The following KIRREL3 variants were observed in gnomAD, a reference collection of about 807,000 sequenced individuals.
KIRREL3 encodes the protein kin of IRRE-like protein 3.
In KIRREL3, 36 loss-of-function variants were observed where a neutral mutation model predicts 89.7. The observed-to-expected ratio is 0.40, with a 90% CI of 0.31 to 0.53. The LOEUF (loss-of-function observed/expected upper bound fraction) is 0.53. Among genes scored for constraint, KIRREL3 ranks in the 20% least tolerant of loss-of-function variants. The pLI is 0.49. For missense variants in KIRREL3, 864 were observed against 1,056.6 expected (o/e 0.82, Z 2.53); for synonymous variants, 445 against 441.4 (o/e 1.01, Z -0.10).
In KIRREL3 at chr11:126,830,225, T is replaced by C. The variant is rs572512685; in HGVS notation, c.55+170230A>G. Among the ~76,000 whole-genome samples the C allele has an allele frequency of 7.9e-5, 12 of 152,298 alleles. No individual in the cohort carries two copies. In the South Asian group the frequency reaches 2.5e-3, roughly 32 times the overall value. ...TTTATCATAGGTACATTTTACAAGA[T>C]GAATTCTGTCACCAGTGTTGGCAGC... On this transcript the variant is annotated intron_variant, in intron 1 of 16. Transcript: ENST00000525144. The surrounding 1 kb of genome is among the most constrained non-coding windows in gnomAD (Gnocchi z 4.9).
Position 126,511,445 on chromosome 11 carries a change from A to G in KIRREL3, c.433+9870T>C, listed in dbSNP as rs568995227. ...CCTACAACACAGGTCCCCTCACAGC[A>G]GCAAGATAACAAAGCTGTGGCCATT... On this transcript the variant is annotated intron_variant, in intron 4 of 16. Transcript: ENST00000525144. Among the ~76,000 whole-genome samples the G allele has an allele frequency of 9.3e-4, 142 of 152,310 alleles. 2 individuals are homozygous for G. Among genetic ancestry groups the G allele is most frequent in the African/African-American group, 2.6e-3 (110 of 41,580 alleles).
rs1942840224 is a variant in KIRREL3, at chr11:126,605,288, C to T, written c.56-42376G>A. On this transcript the variant is annotated intron_variant, in intron 1 of 16. Coordinates refer to ENST00000525144, the MANE Select transcript of KIRREL3 (RefSeq NM_032531.4). This position sits in a 1 kb window ranked among gnomAD's most constrained non-coding sequence, Gnocchi z 5.7. ...CAGGATTCCAGGCAGGTATAATGTGCTGCACTTAATGTAGAGGATCAGGGT... is the reference window on the plus strand; with the variant it reads ...CAGGATTCCAGGCAGGTATAATGTGTTGCACTTAATGTAGAGGATCAGGGT... Among the ~76,000 whole-genome samples the T allele has an allele frequency of 1.3e-5, 2 of 152,170 alleles. No individual in the cohort carries two copies. The highest frequency in any genetic ancestry group is 2.4e-5 in the African/African-American group (1 of 41,436).
chr11:126,493,923 T>C (rs1957592887), intron 4 of KIRREL3, among the ~76,000 whole-genome samples: 1 of 152,142 alleles, frequency 6.6e-6, no homozygotes, highest in Non-Finnish European at 1.5e-5. Flanking sequence ...GCACCACCTC[T>C]CTGACTCAAG....
intron 1 of KIRREL3, among the ~76,000 whole-genome samples, chr11:126,727,647 GTCC>G (rs1271808451): frequency 1.3e-4 from 20 of 152,206 alleles, no homozygotes; most frequent in Admixed American, 1.3e-3. Flanking sequence ...CATTTTTGTG[GTCC>G]TCCTTCTTCT....
rs1591508907 is a variant in KIRREL3 at position 126,423,735 on chromosome 11, ACTT to A, written c.*842_*844del. 2 of 151,978 alleles carry A rather than the reference ACTT, an allele frequency of 1.3e-5. No homozygotes were observed. The highest frequency in any genetic ancestry group is 1.3e-4 in the Admixed American group (2 of 15,234). The allele number at this position is 151,978 out of a possible 1,614,324, so 9.4% of individuals were successfully genotyped here. ...GAACCCTGACCAGAGAAGCTCCCGC[ACTT>A]CTTATATGAACTCCGATTGTGCTGA... On this transcript the variant is annotated 3_prime_UTR_variant, in exon 17 of 17. Coordinates refer to ENST00000525144, the MANE Select transcript of KIRREL3 (RefSeq NM_032531.4).
chr11:126,746,634 C>A (rs180957229), intron 1 of KIRREL3, among the ~76,000 whole-genome samples: 2 of 152,152 alleles, frequency 1.3e-5, no homozygotes, highest in African/African-American at 4.8e-5. Flanking sequence ...CTGGTCCCCC[C>A]TCTCCCTCCC....
intron 1 of KIRREL3, among the ~76,000 whole-genome samples, chr11:126,730,383 C>T (rs1948567391): frequency 6.6e-6 from 1 of 152,242 alleles, no homozygotes; most frequent in African/African-American, 2.4e-5. Flanking sequence ...ACCCTCTCCT[C>T]ACCCTATACG....
At position 126,710,034 on chromosome 11, in the gene KIRREL3, G is replaced by A. The variant is rs1947696724; in HGVS notation, c.56-147122C>T. Among the ~76,000 whole-genome samples the A allele has an allele frequency of 6.6e-6, 1 of 152,210 alleles. No homozygotes were observed. Among genetic ancestry groups the A allele is most frequent in the Middle Eastern group, 3.2e-3 (1 of 316 alleles). On this transcript the variant is annotated intron_variant, in intron 1 of 16. Transcript: ENST00000525144. This position sits in a 1 kb window ranked among gnomAD's most constrained non-coding sequence, Gnocchi z 4.2. ...TGTCACAGCCATTTTAGAGATATAA[G>A]ATCCAAAGTTCAGGGTGGAAAGAAA...
At chr11:126,855,261 G>T (rs934223679) in intron 1 of KIRREL3, among the ~76,000 whole-genome samples, 1 of 152,192 alleles carries the variant, frequency 6.6e-6, no homozygotes, top group African/African-American at 2.4e-5. Context: ...GGGCAGATTC[G>T]CCCTTGCGTT....
rs1949236540 is a variant in KIRREL3, at chr11:126,748,673, T to C, written c.56-185761A>G. On this transcript the variant is annotated intron_variant, in intron 1 of 16. Coordinates refer to ENST00000525144, the MANE Select transcript of KIRREL3 (RefSeq NM_032531.4). The surrounding 1 kb of genome is among the most constrained non-coding windows in gnomAD (Gnocchi z 4.6). ...AGGAAGGCCAAGGCTGATTCGGCCT[T>C]GGTCTGGCAAGGGAAGCTGCGTTTC... 6.6e-6 allele frequency among the ~76,000 whole-genome samples: 1 copy of C among 152,178 alleles called. No individual in the cohort carries two copies. The highest frequency in any genetic ancestry group is 2.4e-5 in the African/African-American group (1 of 41,444).
chr11:126,702,412 G>A (rs960575056), intron 1 of KIRREL3, among the ~76,000 whole-genome samples: 2 of 151,308 alleles, frequency 1.3e-5, no homozygotes, highest in Non-Finnish European at 3.0e-5. Flanking sequence ...ATGTGGAGTC[G>A]AGGTGGGCAT....
intron 4 of KIRREL3, among the ~76,000 whole-genome samples, chr11:126,509,520 T>C (rs762702330): frequency 3.3e-5 from 5 of 152,246 alleles, no homozygotes; most frequent in Non-Finnish European, 7.3e-5. Flanking sequence ...CATCCTCTTT[T>C]TTCCTTTTTT....
chr11:126,777,695 G>A (rs970424128), intron 1 of KIRREL3, among the ~76,000 whole-genome samples: 1 of 152,194 alleles, frequency 6.6e-6, no homozygotes, highest in South Asian at 2.1e-4. Flanking sequence ...ATAAAACCAC[G>A]TAGATATTTC....
Position 126,578,582 on chromosome 11 carries a change from C to T in KIRREL3, c.56-15670G>A, listed in dbSNP as rs963621986. On this transcript the variant is annotated intron_variant, in intron 1 of 16. Coordinates refer to ENST00000525144, the MANE Select transcript of KIRREL3 (RefSeq NM_032531.4). This position sits in a 1 kb window ranked among gnomAD's most constrained non-coding sequence, Gnocchi z 4.9. The stretch of plus-strand genomic sequence containing the variant: ...AGTAAGTATCATGAATGTGTGACAG[C>T]ATGTGGGGCACGTGGGTGAGCGTGT... Among the ~76,000 whole-genome samples the T allele has an allele frequency of 6.6e-6, 1 of 152,128 alleles. No homozygotes were observed. Among genetic ancestry groups the T allele is most frequent in the Non-Finnish European group, 1.5e-5 (1 of 68,030 alleles).
rs1440626285 is a variant in KIRREL3, at chr11:126,530,629, C to T, written c.134-3942G>A. Among the ~76,000 whole-genome samples, 1 of 152,164 alleles carries T rather than the reference C, an allele frequency of 6.6e-6. No homozygotes were observed. Among genetic ancestry groups the T allele is most frequent in the Non-Finnish European group, 1.5e-5 (1 of 68,030 alleles). On this transcript the variant is annotated intron_variant, in intron 2 of 16. Transcript: ENST00000525144. The surrounding 1 kb of genome is among the most constrained non-coding windows in gnomAD (Gnocchi z 5.8). ...GGAGCTCGCAGCTGTGCCCCCTCCCCATCACACCTGGGCGTCTCAGATGGA... is the reference window on the plus strand; with the variant it reads ...GGAGCTCGCAGCTGTGCCCCCTCCCTATCACACCTGGGCGTCTCAGATGGA...
Position 126,606,266 on chromosome 11 carries a change from G to A in KIRREL3, c.56-43354C>T, listed in dbSNP as rs993019176. 2.0e-5 allele frequency among the ~76,000 whole-genome samples: 3 copies of A among 152,186 alleles called. No homozygotes were observed. Among genetic ancestry groups the A allele is most frequent in the Admixed American group, 2.0e-4 (3 of 15,284 alleles). On this transcript the variant is annotated intron_variant, in intron 1 of 16. Coordinates refer to ENST00000525144, the MANE Select transcript of KIRREL3 (RefSeq NM_032531.4). The surrounding 1 kb of genome is among the most constrained non-coding windows in gnomAD (Gnocchi z 4.6). ...AGGCACAGTTTAGTATGGTGTTTAT[G>A]AGAGTGGATCTGGAGTGTGGGTTTG... is the stretch of plus-strand genomic sequence containing the variant.
rs1274884472 is a variant in KIRREL3, at chr11:126,522,554, T to C, written c.284-1090A>G. Among the ~76,000 whole-genome samples, 1 of 152,196 alleles carries C rather than the reference T, an allele frequency of 6.6e-6. No homozygotes were observed. Among genetic ancestry groups the C allele is most frequent in the East Asian group, 1.9e-4 (1 of 5,196 alleles). On this transcript the variant is annotated intron_variant, in intron 3 of 16. Coordinates refer to ENST00000525144, the MANE Select transcript of KIRREL3 (RefSeq NM_032531.4). This position sits in a 1 kb window ranked among gnomAD's most constrained non-coding sequence, Gnocchi z 6.0. ...TGTACCATGGGCAATGAATAATAGA[T>C]AAATAAAAGTTTGAGAATATAAATC...
In KIRREL3 at chr11:126,562,160, T is replaced by G. The variant is rs1940174313; in HGVS notation, c.133+675A>C. Among the ~76,000 whole-genome samples, 1 of 152,202 alleles carries G rather than the reference T, an allele frequency of 6.6e-6. No individual in the cohort carries two copies. Among genetic ancestry groups the G allele is most frequent in the South Asian group, 2.1e-4 (1 of 4,832 alleles). On this transcript the variant is annotated intron_variant, in intron 2 of 16. Transcript: ENST00000525144. The surrounding 1 kb of genome is among the most constrained non-coding windows in gnomAD (Gnocchi z 4.7). Reference sequence around the variant, plus strand: ...GGGTTATTAGCTGCATGGAGACAGATGGCTAGGGATGGAGAGGATTGGTTC... The same window carrying G: ...GGGTTATTAGCTGCATGGAGACAGAGGGCTAGGGATGGAGAGGATTGGTTC...
In KIRREL3 at chr11:126,814,094, G is replaced by A. The variant is rs1365586002; in HGVS notation, c.55+186361C>T. On this transcript the variant is annotated intron_variant, in intron 1 of 16. Transcript: ENST00000525144. The surrounding 1 kb of genome is among the most constrained non-coding windows in gnomAD (Gnocchi z 4.4). The stretch of plus-strand genomic sequence containing the variant: ...AAAACCCGGTTAAAAAGTTGGCAAA[G>A]GACATGAACAGACACTTCTCAAAAG... Among the ~76,000 whole-genome samples the A allele has an allele frequency of 6.6e-6, 1 of 151,968 alleles. No homozygotes were observed. The highest frequency in any genetic ancestry group is 6.6e-5 in the Admixed American group (1 of 15,266).
Sources: gnomAD v4.1 joint callset for allele counts (sites outside exome capture counted in the v4.1 genomes callset) on GRCh38, gnomAD v4.1.1 for gene constraint, Gnocchi (gnomAD v3.1) non-coding constraint, MANE v1.5 for transcripts, NCBI Gene and HGNC (gene_info 2026-07-23, HGNC 2026-07-21) for gene names.